The following NFXL1 variants were observed in gnomAD, a reference collection of about 807,000 sequenced individuals.
The protein encoded by NFXL1 is nuclear transcription factor, X-box binding like 1.
In NFXL1, 66 loss-of-function variants were observed where a neutral mutation model predicts 123.3. The observed-to-expected ratio is 0.54, with a 90% CI of 0.44 to 0.66. The LOEUF is 0.66. NFXL1 is among the 30% of genes least tolerant of loss of function. The probability of loss-of-function intolerance (pLI) is 0.00; values close to 1 mark genes in which losing one functional copy is unlikely to be tolerated. For synonymous variants in NFXL1, 346 were observed against 360.8 expected (o/e 0.96, Z 0.46); for missense variants, 944 against 1,125.6 (o/e 0.84, Z 2.31).
chr4:47,886,596 CT>C (rs1423455736), intron 12 of NFXL1, among the ~76,000 whole-genome samples: 1 of 152,082 alleles, frequency 6.6e-6, no homozygotes, highest in Non-Finnish European at 1.5e-5. Flanking sequence ...TCTCAAACTC[CT>C]GGACTCAAGC....
rs1275593287 is a variant in NFXL1 at position 47,879,133 on chromosome 4, A to C, written c.1917-16T>G. The C allele has an allele frequency of 1.6e-6, 2 of 1,233,250 alleles. No homozygotes were observed. The highest frequency in any genetic ancestry group is 1.1e-6 in the Non-Finnish European group (1 of 901,904). 76.4% of individuals were successfully genotyped at this position (1,233,250 alleles called of 1,614,324 possible). A position where few individuals can be genotyped will look rare whatever the true frequency, so the allele number is the denominator to read the frequency against. ...AAGACATTCCCTACAAGGAAAAAAT[A>C]AAATAAAATGAAAACATTACAAATT... On this transcript the variant is annotated splice_polypyrimidine_tract_variant and intron_variant, in intron 15 of 22. Transcript: ENST00000507489.
At chr4:47,911,126 G>C in intron 2 of NFXL1, 132 bp from the exon 3 acceptor site, 1 of 479,292 alleles carries the variant, frequency 2.1e-6, no homozygotes, top group South Asian at 4.8e-5. Flanking sequence ...TGTAATCCAC[G>C]AGAAAAGTAT....
At chr4:47,876,842 G>C (rs1735786512) in intron 17 of NFXL1, among the ~76,000 whole-genome samples, 1 of 152,038 alleles carries the variant, frequency 6.6e-6, no homozygotes, top group Non-Finnish European at 1.5e-5. Flanking sequence ...AACCTAACAG[G>C]ATTTTCTGTG....
At chr4:47,874,305 G>A (rs1735612194) in intron 18 of NFXL1, among the ~76,000 whole-genome samples, 1 of 152,152 alleles carries the variant, frequency 6.6e-6, no homozygotes, top group Non-Finnish European at 1.5e-5. Context: ...ACTCAACTAA[G>A]CTTAATCATT....
chr4:47,876,029 A>T (rs1735730897), intron 17 of NFXL1, among the ~76,000 whole-genome samples: 1 of 152,126 alleles, frequency 6.6e-6, no homozygotes, highest in African/African-American at 2.4e-5. Context: ...ATGGATACTA[A>T]ATCTTAAAGG....
chr4:47,875,929 A>G (rs1240886527), intron 17 of NFXL1, among the ~76,000 whole-genome samples: 1 of 152,202 alleles, frequency 6.6e-6, no homozygotes, highest in Non-Finnish European at 1.5e-5. Context: ...GTTAACTAGC[A>G]TTATAATCTA....
chr4:47,889,914 G>A (rs541900359), intron 12 of NFXL1, among the ~76,000 whole-genome samples: 140 of 152,054 alleles, frequency 9.2e-4, no homozygotes, highest in African/African-American at 3.0e-3. Context: ...ATGTGAATCC[G>A]GCTATTTTCT....
intron 19 of NFXL1, among the ~76,000 whole-genome samples, chr4:47,855,739 C>T (rs879738696): frequency 9.2e-5 from 14 of 152,076 alleles, no homozygotes; most frequent in Non-Finnish European, 1.5e-4. Flanking sequence ...GCCTTTTATT[C>T]TACAACATTT....
chr4:47,865,138 A>C (rs1400345176), intron 18 of NFXL1, among the ~76,000 whole-genome samples: 1 of 152,234 alleles, frequency 6.6e-6, no homozygotes, highest in Admixed American at 6.5e-5. Flanking sequence ...TTTGGTCACA[A>C]AAGTCTTTTG....
intron 22 of NFXL1, among the ~76,000 whole-genome samples, chr4:47,848,627 C>T (rs763076421): frequency 3.3e-5 from 5 of 152,036 alleles, no homozygotes; most frequent in Admixed American, 6.6e-5. Context: ...CGGTGGCTCA[C>T]GCCTGTAATC....
chr4:47,890,655 A>C lies in NFXL1; in HGVS notation c.1501T>G (p.Leu501Val), dbSNP rs1401718407. Residue 501 changes from leucine (L) to valine (V), a missense_variant, in exon 12 of 23, where the codon TTA (leucine) becomes GTA (valine). Around this residue, in one of 4 missense-constraint regions of NFXL1, gnomAD observed 296 missense variants for 395.1 expected, o/e 0.75. Coordinates refer to ENST00000507489, the MANE Select transcript of NFXL1 (RefSeq NM_001278624.2). ...PPCDQNCGRT[L>V]GCRNHKCPSV... The stretch of plus-strand genomic sequence containing the variant: ...GGACACTTATGGTTTCTACATCCTA[A>C]AGTCCGTCCACAGTTTTGATCACAA... The C allele has an allele frequency of 1.2e-6, 2 of 1,610,992 alleles. No homozygotes were observed. The highest frequency in any genetic ancestry group is 1.7e-6 in the Non-Finnish European group (2 of 1,177,488).
rs190199380 is a variant in NFXL1 at position 47,891,831 on chromosome 4, G to A, written c.1453-1128C>T. 2.5e-3 allele frequency among the ~76,000 whole-genome samples: 374 copies of A among 152,012 alleles called. 2 individuals carry two copies. Among genetic ancestry groups the A allele is most frequent in the African/African-American group, 8.2e-3 (339 of 41,482 alleles). The stretch of plus-strand genomic sequence containing the variant: ...CGTGCCTGTAGTCCCAGCTACTTGC[G>A]GAGGCTGAGGCAGGAGAATTGCTTG... On this transcript the variant is annotated intron_variant, in intron 11 of 22. Transcript: ENST00000507489.
chr4:47,871,389 G>C (rs979810120), intron 18 of NFXL1, among the ~76,000 whole-genome samples: 1 of 151,714 alleles, frequency 6.6e-6, no homozygotes, highest in Non-Finnish European at 1.5e-5. Context: ...AAAAACACTT[G>C]GTTATTTCCA....
intron 18 of NFXL1, among the ~76,000 whole-genome samples, chr4:47,865,208 A>G (rs1271181949): frequency 2.0e-5 from 3 of 152,216 alleles, no homozygotes; most frequent in African/African-American, 7.2e-5. Context: ...TCCACACAGG[A>G]CTAAAAGGAA....
At chr4:47,855,386 C>T (rs1734351833) in intron 19 of NFXL1, among the ~76,000 whole-genome samples, 1 of 151,024 alleles carries the variant, frequency 6.6e-6, no homozygotes, top group African/African-American at 2.4e-5. Flanking sequence ...TAATTATTCT[C>T]CCCAGCTCCA....
chr4:47,869,229 C>T (rs1278835558), intron 18 of NFXL1, among the ~76,000 whole-genome samples: 1 of 152,042 alleles, frequency 6.6e-6, no homozygotes, highest in Non-Finnish European at 1.5e-5. Context: ...TGTCTCAAAA[C>T]ACAAAAACCA....
intron 18 of NFXL1, among the ~76,000 whole-genome samples, chr4:47,872,863 T>G (rs186387110): frequency 5.4e-4 from 83 of 152,352 alleles, no homozygotes; most frequent in Admixed American, 8.5e-4. Flanking sequence ...CAATAGAGTT[T>G]GCTGCATCAA....
chr4:47,852,036 A>G (rs900795195), intron 20 of NFXL1, 94 bp from the exon 21 acceptor site: 18 of 736,818 alleles, frequency 2.4e-5, no homozygotes, highest in Admixed American at 4.2e-5. Flanking sequence ...GCTTAAGGTT[A>G]TAAGTATTAT....
intron 4 of NFXL1, among the ~76,000 whole-genome samples, chr4:47,904,158 T>C (rs998836640): frequency 6.6e-6 from 1 of 152,034 alleles, no homozygotes; most frequent in Admixed American, 6.6e-5. Flanking sequence ...TGGCATATGG[T>C]TGAGCTGATT....
Sources: allele counts gnomAD v4.1 joint callset (sites outside exome capture counted in the v4.1 genomes callset), GRCh38; gene constraint gnomAD v4.1.1; regional missense constraint gnomAD v4.1.1; transcripts MANE v1.5; gene names NCBI Gene and HGNC (gene_info 2026-07-23, HGNC 2026-07-21).